RAPGEF2: variants seen among roughly 807,000 people sequenced by gnomAD.
RAPGEF2 encodes Rap guanine nucleotide exchange factor 2.
A neutral mutation model predicts 186.7 loss-of-function variants in RAPGEF2; 54 were observed. The ratio of observed to expected loss-of-function variants is 0.29; its 90% CI spans 0.23 to 0.36. The LOEUF is 0.36. Among genes scored for constraint, RAPGEF2 ranks in the 10% least tolerant of loss-of-function variants. RAPGEF2 has a pLI of 1.00. For synonymous variants in RAPGEF2, 712 were observed against 705.9 expected (o/e 1.01, Z -0.14); for missense variants, 1,532 against 2,045.0 (o/e 0.75, Z 4.84).
At chr4:159,284,173 A>G (rs1383815270) in intron 7 of RAPGEF2, among the ~76,000 whole-genome samples, 1 of 152,202 alleles carries the variant, frequency 6.6e-6, no homozygotes, top group Admixed American at 6.5e-5. Context: ...ACACCCCACC[A>G]GAATAACAGT....
chr4:159,298,689 G>C (rs1301047497), intron 7 of RAPGEF2, among the ~76,000 whole-genome samples: 1 of 152,196 alleles, frequency 6.6e-6, no homozygotes, highest in Non-Finnish European at 1.5e-5. Flanking sequence ...GTTCCAGAGG[G>C]AGTGAAAGAT....
chr4:159,198,002 G>A (rs976560320), intron 3 of RAPGEF2, among the ~76,000 whole-genome samples: 25 of 152,070 alleles, frequency 1.6e-4, no homozygotes, highest in African/African-American at 5.6e-4. Context: ...CTGACCCTAA[G>A]CGTGCCACGA....
chr4:159,305,154 T>C (rs1390964083), intron 8 of RAPGEF2, among the ~76,000 whole-genome samples: 2 of 152,218 alleles, frequency 1.3e-5, no homozygotes, highest in Non-Finnish European at 2.9e-5. Flanking sequence ...GGTGCAGGTA[T>C]CTTTTTGATA....
chr4:159,318,021 CATA>C lies in RAPGEF2; in HGVS notation c.853+3256_853+3258del, dbSNP rs1385524932. 5.9e-5 allele frequency among the ~76,000 whole-genome samples: 9 copies of C among 151,372 alleles called. No individual in the cohort carries two copies. In the East Asian group the frequency reaches 1.4e-3, roughly 23 times the overall value. On this transcript the variant is annotated intron_variant, in intron 9 of 29. Transcript: ENST00000691494. ...CCCAGAATCTCTAGAAAGCAGCAGCCATAATGATTCCTACAAATAAATAAAAAG... is the reference window on the plus strand; with the variant it reads ...CCCAGAATCTCTAGAAAGCAGCAGCCATGATTCCTACAAATAAATAAAAAG...
At chr4:159,316,741 A>T (rs766060000) in intron 9 of RAPGEF2, among the ~76,000 whole-genome samples, 5 of 152,164 alleles carry the variant, frequency 3.3e-5, no homozygotes, top group Non-Finnish European at 7.3e-5. Context: ...GGTTGATTCC[A>T]TGTCTTTGCT....
intron 4 of RAPGEF2, among the ~76,000 whole-genome samples, chr4:159,230,871 T>C (rs1036533719): frequency 6.6e-6 from 1 of 152,146 alleles, no homozygotes; most frequent in Non-Finnish European, 1.5e-5. Flanking sequence ...GGACTATATT[T>C]AGTGAGTTTT....
chr4:159,270,508 T>C (rs2110808905), intron 7 of RAPGEF2, among the ~76,000 whole-genome samples: 1 of 152,314 alleles, frequency 6.6e-6, no homozygotes, highest in East Asian at 1.9e-4. Context: ...CAGCAGGTAG[T>C]GCAGTACTAG....
chr4:159,313,766 G>A (rs1764227033), intron 8 of RAPGEF2, among the ~76,000 whole-genome samples: 1 of 152,140 alleles, frequency 6.6e-6, no homozygotes, highest in South Asian at 2.1e-4. Context: ...ATGCTTAAGT[G>A]ATAATTGAAG....
chr4:159,137,882 T>A (rs748190559), intron 1 of RAPGEF2, among the ~76,000 whole-genome samples: 1 of 152,182 alleles, frequency 6.6e-6, no homozygotes, highest in Non-Finnish European at 1.5e-5. Context: ...CCTGTTTGAA[T>A]TGATTTAATG....
rs1730417653 is a variant in RAPGEF2, at chr4:159,347,010, CATT to C, written c.3712+13_3712+15del. On this transcript the variant is annotated intron_variant, in intron 25 of 29. Coordinates refer to ENST00000691494, the MANE Select transcript of RAPGEF2 (RefSeq NM_001394067.2). ...TCTCCCACCTTTTGGTAAGTGATTA[CATT>C]CATTTCTTTTTTTGGTGCCATTCAC... The C allele has an allele frequency of 3.1e-6, 5 of 1,600,188 alleles. No homozygotes were observed. Among genetic ancestry groups the C allele is most frequent in the Non-Finnish European group, 4.3e-6 (5 of 1,168,974 alleles).
At chr4:159,311,607 G>A (rs1405315205) in intron 8 of RAPGEF2, among the ~76,000 whole-genome samples, 2 of 152,262 alleles carry the variant, frequency 1.3e-5, no homozygotes, top group African/African-American at 4.8e-5. Context: ...TGGAGGTTAA[G>A]TGACTTTGCT....
At chr4:159,273,203 G>A (rs1758336444) in intron 7 of RAPGEF2, among the ~76,000 whole-genome samples, 1 of 152,196 alleles carries the variant, frequency 6.6e-6, no homozygotes, top group Non-Finnish European at 1.5e-5. Flanking sequence ...CACTGTGCTT[G>A]CTAGCAGAGG....
Position 159,291,364 on chromosome 4 carries a change from G to A in RAPGEF2, c.544-12978G>A, listed in dbSNP as rs566477006. On this transcript the variant is annotated intron_variant, in intron 7 of 29. Transcript: ENST00000691494. The stretch of plus-strand genomic sequence containing the variant: ...GCCATCCAGGCTGGAGTGCAGTGGC[G>A]CAATCACAGTTCACTTGACTTCCTA... Among the ~76,000 whole-genome samples, 24 of 152,166 alleles carry A rather than the reference G, an allele frequency of 1.6e-4. No individual in the cohort carries two copies. In the South Asian group the frequency reaches 4.1e-3, roughly 26 times the overall value.
At chr4:159,110,832 ATGT>A (rs935795991) in intron 1 of RAPGEF2, among the ~76,000 whole-genome samples, 1 of 152,082 alleles carries the variant, frequency 6.6e-6, no homozygotes, top group Non-Finnish European at 1.5e-5. Flanking sequence ...AAATTAATTG[ATGT>A]TGGTAAATTA....
intron 1 of RAPGEF2, among the ~76,000 whole-genome samples, chr4:159,164,612 A>T (rs1446310348): frequency 6.6e-6 from 1 of 152,140 alleles, no homozygotes; most frequent in Non-Finnish European, 1.5e-5. Flanking sequence ...AGTGTCTGGC[A>T]TATAATAGGT....
intron 7 of RAPGEF2, chr4:159,267,903 A>G (rs1757618276): frequency 8.4e-7 from 1 of 1,187,158 alleles, no homozygotes; most frequent in South Asian, 3.3e-5. Flanking sequence ...CAGTCTTGTC[A>G]TAGCCTAGGA....
intron 1 of RAPGEF2, among the ~76,000 whole-genome samples, chr4:159,122,512 A>G (rs928093905): frequency 6.6e-6 from 1 of 152,198 alleles, no homozygotes; most frequent in African/African-American, 2.4e-5. Flanking sequence ...ATCAAAACTT[A>G]TGGACCCTTA....
At chr4:159,299,030 T>C (rs1322265668) in intron 7 of RAPGEF2, among the ~76,000 whole-genome samples, 2 of 152,210 alleles carry the variant, frequency 1.3e-5, no homozygotes, top group Non-Finnish European at 2.9e-5. Flanking sequence ...TCTAGGAATA[T>C]ACTTACTCCA....
At chr4:159,177,339 A>T (rs565949966) in intron 1 of RAPGEF2, among the ~76,000 whole-genome samples, 1 of 151,412 alleles carries the variant, frequency 6.6e-6, no homozygotes, top group African/African-American at 2.4e-5. Context: ...TTGTGCTTTT[A>T]TTCAGATCTC....
Sources: allele counts gnomAD v4.1 joint callset (sites outside exome capture counted in the v4.1 genomes callset), GRCh38; gene constraint gnomAD v4.1.1; transcripts MANE v1.5; gene names NCBI Gene and HGNC (gene_info 2026-07-23, HGNC 2026-07-21).